The following ARHGAP9 variants were observed in gnomAD, a reference collection of about 807,000 sequenced individuals.
ARHGAP9 encodes rho GTPase-activating protein 9.
Under a neutral mutation model 87.3 loss-of-function variants are expected in ARHGAP9, and 76 were observed. The observed-to-expected ratio is 0.87, with a 90% CI of 0.72 to 1.05. The LOEUF (loss-of-function observed/expected upper bound fraction) is 1.05. ARHGAP9 is among the 50% of genes least tolerant of loss of function. The pLI is 0.00. For synonymous variants in ARHGAP9, 382 were observed against 394.9 expected (o/e 0.97, Z 0.39); for missense variants, 941 against 960.5 (o/e 0.98, Z 0.27).
chr12:57,473,450 T>C (rs1467238285), intron 17 of ARHGAP9, among the ~76,000 whole-genome samples, 153 bp downstream of exon 17: 1 of 152,118 alleles, frequency 6.6e-6, no homozygotes, highest in Non-Finnish European at 1.5e-5. Flanking sequence ...GTTTTGACTC[T>C]GGTAATATGC....
At chr12:57,485,440 C>T (rs576883431) in intron 1 of ARHGAP9, among the ~76,000 whole-genome samples, 8 of 150,400 alleles carry the variant, frequency 5.3e-5, no homozygotes, top group South Asian at 4.2e-4. Flanking sequence ...TCTGTAATCC[C>T]GGCTACTAGG....
Position 57,475,300 on chromosome 12 carries a change from G to A in ARHGAP9, c.1543C>T (p.Leu515=). 6.3e-7 allele frequency: 1 copy of A among 1,593,746 alleles called. No individual in the cohort carries two copies. The highest frequency in any genetic ancestry group is 8.6e-7 in the Non-Finnish European group (1 of 1,169,426). The change falls in exon 12 of 18, where the codon CTG becomes TTG. Residue 515 remains leucine (L), a synonymous_variant. Transcript: ENST00000393791. ...GGCCCAGCCCCCTCACCTCGGAGCA[G>A]ACCCCGCTCCTGCAGGCTTTGTAAG... ...PPLQSLQERG[L]LRDQVFGCQL... is the part of the protein sequence containing the mutation.
At chr12:57,477,838 C>A in intron 3 of ARHGAP9, 158 bp from the exon 4 acceptor site, 1 of 1,458,836 alleles carries the variant, frequency 6.9e-7, no homozygotes. Context: ...CCTCAGGCCC[C>A]AGCTGCTTTT....
chr12:57,474,270 A>G lies in ARHGAP9; in HGVS notation c.1784-94T>C, dbSNP rs143453105. On this transcript the variant is annotated intron_variant, in intron 15 of 17. Coordinates refer to ENST00000393791, the MANE Select transcript of ARHGAP9 (RefSeq NM_032496.4). Reference sequence around the variant, plus strand: ...TTCTGGAGAAATCCAGTCAAAGCAGACTATAGGAATGCCTAGAGGGTCTGC... The same window carrying G: ...TTCTGGAGAAATCCAGTCAAAGCAGGCTATAGGAATGCCTAGAGGGTCTGC... 133 of 1,583,426 alleles carry G rather than the reference A, an allele frequency of 8.4e-5. No individual in the cohort carries two copies. The African/African-American group carries it at 1.4e-3, about 16-fold the overall frequency.
chr12:57,477,333 C>A, intron 4 of ARHGAP9, 64 bp from the exon 5 acceptor site: 1 of 1,513,582 alleles, frequency 6.6e-7, no homozygotes, highest in Non-Finnish European at 9.0e-7. Context: ...TCTCCACACC[C>A]TTCTTATACT....
chr12:57,483,696 A>G (rs1875191249), upstream of ARHGAP9, among the ~76,000 whole-genome samples: 1 of 152,138 alleles, frequency 6.6e-6, no homozygotes, highest in Non-Finnish European at 1.5e-5. Flanking sequence ...GTCTTCACCT[A>G]GATAACTCTT....
chr12:57,488,303 C>T (rs1594804428), intron 1 of ARHGAP9: 1 of 1,031,252 alleles, frequency 9.7e-7, no homozygotes, highest in Non-Finnish European at 1.4e-6. Flanking sequence ...CGCCACACAC[C>T]CCAATCGACC....
intron 1 of ARHGAP9, 138 bp downstream of exon 1, chr12:57,479,592 G>A (rs1874784451): frequency 1.3e-6 from 2 of 1,528,344 alleles, no homozygotes; most frequent in East Asian, 4.9e-5. Context: ...ACAGGTTTTG[G>A]GGGCTGAGAA....
chr12:57,484,351 CA>C (rs150577501), upstream of ARHGAP9, among the ~76,000 whole-genome samples: 1,178 of 137,570 alleles, frequency 8.6e-3, 18 homozygotes, highest in African/African-American at 0.032. Flanking sequence ...GACTCTGTCT[CA>C]AAAAAAAAAA....
Position 57,475,607 on chromosome 12 carries a change from C to T in ARHGAP9, c.1320G>A (p.Glu440=). ...CCGACAGACGCAGCTCCAGGGGGTT[C>T]TCCCGATCCTAGACCCGGGGCGGGC... ...LRTVIERLDR[E]NPLELRLSGS... The change falls in exon 11 of 18, where the codon GAG becomes GAA. Residue 440 remains glutamate, a synonymous_variant. Transcript: ENST00000393791. The T allele has an allele frequency of 6.2e-7, 1 of 1,611,324 alleles. No individual in the cohort carries two copies. The highest frequency in any genetic ancestry group is 8.5e-7 in the Non-Finnish European group (1 of 1,179,034).
intron 16 of ARHGAP9, 83 bp from the exon 17 acceptor site, chr12:57,473,791 A>T: frequency 1.5e-6 from 2 of 1,313,090 alleles, no homozygotes; most frequent in Non-Finnish European, 2.2e-6. Context: ...GCTCTTTCCC[A>T]CAGGCATGGA....
At chr12:57,475,762 C>A (rs1322246543) in intron 10 of ARHGAP9, 71 bp downstream of exon 10, 2 of 1,576,388 alleles carry the variant, frequency 1.3e-6, no homozygotes, top group South Asian at 2.3e-5. Context: ...GCTCCTGACT[C>A]CTATCGTTCC....
chr12:57,473,673 G>A lies in ARHGAP9; in HGVS notation c.1954C>T (p.Gln652Ter), dbSNP rs781509311. The A allele has an allele frequency of 3.1e-6, 5 of 1,614,104 alleles. No homozygotes were observed. The highest frequency in any genetic ancestry group is 4.2e-6 in the Non-Finnish European group (5 of 1,179,968). Residue 652 changes from glutamine (Q) to a stop codon, truncating the protein, a stop_gained, in exon 17 of 18, where the codon CAA becomes TAA. Transcript: ENST00000393791. LOFTEE classifies it high-confidence loss of function. ...TTTGGCATTGAGCCTATTAATTCTT[G>A]TATCTGAGAGAGGCACTGCTCTGAT... ...SESEQCLSQI[Q>*]ELIGSMPKPN... is the part of the protein sequence containing the mutation.
chr12:57,476,691 C>T (rs1230639281), intron 6 of ARHGAP9, 40 bp from the exon 7 acceptor site: 9 of 1,613,274 alleles, frequency 5.6e-6, no homozygotes, highest in Non-Finnish European at 6.8e-6. Context: ...GTCACCCTCG[C>T]CCTCCATAGT....
At chr12:57,483,387 G>A (rs963748343), upstream of ARHGAP9, among the ~76,000 whole-genome samples, 4 of 152,102 alleles carry the variant, frequency 2.6e-5, no homozygotes, top group African/African-American at 9.7e-5. Context: ...TTCCTAACTA[G>A]TCTCATTGCA....
chr12:57,477,134 T>C (rs555883684), intron 5 of ARHGAP9, 22 bp downstream of exon 5: 1 of 1,611,148 alleles, frequency 6.2e-7, no homozygotes, highest in South Asian at 1.1e-5. Flanking sequence ...TGCATGTGAC[T>C]GGGAGATGGG....
upstream of ARHGAP9, among the ~76,000 whole-genome samples, chr12:57,484,857 G>A (rs1875281126): frequency 6.6e-6 from 1 of 151,972 alleles, no homozygotes; most frequent in Non-Finnish European, 1.5e-5. Flanking sequence ...TGTTGGCCAG[G>A]ATGGTCTCGA....
rs766385992 is a variant in ARHGAP9 at position 57,476,401 on chromosome 12, T to A, written c.1079A>T (p.Tyr360Phe). Residue 360 changes from tyrosine (Y) to phenylalanine (F), a missense_variant, in exon 8 of 18, where the codon TAC becomes TTC. By Grantham distance (22) the Tyr-to-Phe change is conservative (BLOSUM62 3). Transcript: ENST00000393791. ...VVLTGNSLVF[Y>F]REPPPTAPSS... Reference sequence around the variant, plus strand: ...GGGCGCTGTCGGCGGTGGCTCTCGGTAGAACACCAGGCTGTTACCCGTTAA... The same window carrying A: ...GGGCGCTGTCGGCGGTGGCTCTCGGAAGAACACCAGGCTGTTACCCGTTAA... 6.2e-7 allele frequency: 1 copy of A among 1,614,018 alleles called. No homozygotes were observed.
chr12:57,484,225 G>A (rs186255409), upstream of ARHGAP9, among the ~76,000 whole-genome samples: 156 of 150,756 alleles, frequency 1.0e-3, 1 homozygote, highest in African/African-American at 3.6e-3. Context: ...GGTGGTGGGC[G>A]CCTGTAATCC....
Sources: allele counts gnomAD v4.1 joint callset (sites outside exome capture counted in the v4.1 genomes callset), GRCh38; gene constraint gnomAD v4.1.1; transcripts MANE v1.5; gene names NCBI Gene and HGNC (gene_info 2026-07-23, HGNC 2026-07-21).